The following CELA2B variants were observed in gnomAD, a reference collection of about 807,000 sequenced individuals.
CELA2B encodes chymotrypsin-like elastase family member 2B.
In CELA2B, 27 loss-of-function variants were observed where a neutral mutation model predicts 36.5. The observed-to-expected ratio is 0.74, with a 90% CI of 0.55 to 1.02. CELA2B has a LOEUF of 1.02. Among genes scored for constraint, CELA2B ranks in the 50% least tolerant of loss-of-function variants. The probability of loss-of-function intolerance (pLI) is 0.00; values close to 1 mark genes in which losing one functional copy is unlikely to be tolerated. For synonymous variants in CELA2B, 143 were observed against 148.5 expected (o/e 0.96, Z 0.27); for missense variants, 340 against 347.8 (o/e 0.98, Z 0.18).
Position 15,483,393 on chromosome 1 carries a change from G to C in CELA2B, c.486G>C (p.Arg162Ser). 6.2e-7 allele frequency: 1 copy of C among 1,613,860 alleles called. No homozygotes were observed. Among genetic ancestry groups the C allele is most frequent in the African/African-American group, 1.3e-5 (1 of 75,074 alleles). Residue 162 changes from arginine (R) to serine (S), a missense_variant, in exon 5 of 8, where the codon AGG becomes AGC. Coordinates refer to ENST00000375910, the MANE Select transcript of CELA2B (RefSeq NM_015849.3). ...CCTGCTACGTCACGGGCTGGGGAAG[G>C]CTGCAGAGTAAGTGGGAGCCAGGAG... is the stretch of plus-strand genomic sequence containing the variant. The part of the protein sequence containing the change: ...NYPCYVTGWG[R>S]LQTNGALPDD...
intron 2 of CELA2B, among the ~76,000 whole-genome samples, chr1:15,480,566 C>G (rs973573485): frequency 2.6e-5 from 4 of 152,096 alleles, no homozygotes; most frequent in East Asian, 1.9e-4. Context: ...CTTCTTCACA[C>G]GGTGGCAGCA....
At chr1:15,476,637 C>G (rs1708675117) in intron 2 of CELA2B, 92 bp downstream of exon 2, 1 of 1,232,958 alleles carries the variant, frequency 8.1e-7, no homozygotes, top group East Asian at 2.3e-5. Context: ...ATTGTGCTGG[C>G]AAAGTTAGGA....
intron 1 of CELA2B, 33 bp from the exon 2 acceptor site, chr1:15,476,424 T>C: frequency 6.2e-7 from 1 of 1,605,896 alleles, no homozygotes. Context: ...GGGTCGCTGC[T>C]TCCTGGACTC....
At chr1:15,476,609 C>T (rs1210771298) in intron 2 of CELA2B, 64 bp downstream of exon 2, 50 of 1,486,378 alleles carry the variant, frequency 3.4e-5, no homozygotes, top group Non-Finnish European at 4.7e-5. Context: ...CCCCCTTTGC[C>T]CTTCCACCAT....
At chr1:15,485,432 T>C (rs1221464621) in intron 5 of CELA2B, among the ~76,000 whole-genome samples, 1 of 152,044 alleles carries the variant, frequency 6.6e-6, no homozygotes. Flanking sequence ...AAAGGGAAAT[T>C]GTTATAAGGA....
intron 2 of CELA2B, among the ~76,000 whole-genome samples, chr1:15,477,841 A>G (rs1333933522): frequency 6.6e-6 from 1 of 152,238 alleles, no homozygotes. Context: ...CATAATTGAT[A>G]TAAACTGCTT....
intron 6 of CELA2B, 33 bp from the exon 7 acceptor site, chr1:15,487,252 A>G (rs1297126835): frequency 3.7e-6 from 6 of 1,604,734 alleles, no homozygotes; most frequent in Non-Finnish European, 5.1e-6. Context: ...CCTTCCTCCC[A>G]CTTCAACTCC....
chr1:15,490,154 G>A (rs748497324), intron 7 of CELA2B, among the ~76,000 whole-genome samples: 2 of 152,138 alleles, frequency 1.3e-5, no homozygotes, highest in East Asian at 1.9e-4. Flanking sequence ...GATTACAAGC[G>A]TGAGCCACTT....
chr1:15,476,490 A>C lies in CELA2B; in HGVS notation c.74A>C (p.Asp25Ala), dbSNP rs1220083424. The C allele has an allele frequency of 6.2e-7, 1 of 1,614,028 alleles. No homozygotes were observed. Among genetic ancestry groups the C allele is most frequent in the Admixed American group, 1.7e-5 (1 of 59,996 alleles). The change falls in exon 2 of 8, where the codon GAT becomes GCT. Residue 25 changes from aspartate to alanine, a missense_variant. Coordinates refer to ENST00000375910, the MANE Select transcript of CELA2B (RefSeq NM_015849.3). ...TGTGGGGTCTCCACTTACGCGCCTGATATGTCTAGGATGCTTGGAGGTGAA... is the reference window on the plus strand; with the variant it reads ...TGTGGGGTCTCCACTTACGCGCCTGCTATGTCTAGGATGCTTGGAGGTGAA... The part of the protein sequence containing the change: ...LSCGVSTYAP[D>A]MSRMLGGEEA...
intron 6 of CELA2B, among the ~76,000 whole-genome samples, chr1:15,487,068 A>G (rs1570812085): frequency 6.6e-6 from 1 of 152,244 alleles, no homozygotes; most frequent in East Asian, 1.9e-4. Context: ...TGTGAGGATT[A>G]ATGAGATGAG....
intron 7 of CELA2B, among the ~76,000 whole-genome samples, chr1:15,490,601 C>G (rs1157609393): frequency 3.3e-5 from 5 of 152,124 alleles, no homozygotes; most frequent in Non-Finnish European, 5.9e-5. Flanking sequence ...GGCGCGGTGG[C>G]TCACGCCTGT....
Position 15,482,218 on chromosome 1 carries a change from GCC to G in CELA2B, c.228-46_228-45del. 4.4e-6 allele frequency: 7 copies of G among 1,606,350 alleles called. No individual in the cohort carries two copies. The South Asian group carries it at 6.7e-5, about 15-fold the overall frequency. ...GGGTCTATCCCTAGCATTATTCAAA[GCC>G]AGGCCTCTGGAGGTGACCCTCTCCC... On this transcript the variant is annotated intron_variant, in intron 3 of 7. Coordinates refer to ENST00000375910, the MANE Select transcript of CELA2B (RefSeq NM_015849.3).
intron 6 of CELA2B, among the ~76,000 whole-genome samples, chr1:15,486,433 G>C (rs760831298): frequency 2.1e-4 from 32 of 152,090 alleles, no homozygotes; most frequent in Non-Finnish European, 4.3e-4. Context: ...GAGCTGAGAT[G>C]ATGCCACTGC....
chr1:15,487,558 C>T, intron 7 of CELA2B, 121 bp downstream of exon 7: 1 of 1,354,020 alleles, frequency 7.4e-7, no homozygotes, highest in Admixed American at 2.0e-5. Context: ...ATGGGAACCC[C>T]TTGGAGGAGG....
chr1:15,479,482 G>A (rs1331281215), intron 2 of CELA2B, among the ~76,000 whole-genome samples: 1 of 152,166 alleles, frequency 6.6e-6, no homozygotes, highest in African/African-American at 2.4e-5. Context: ...GGAGGCAGAG[G>A]TTGCAATGAG....
At chr1:15,490,823 A>T (rs4646110) in intron 7 of CELA2B, 42,713 of 160,894 alleles carry the variant, frequency 0.27, 6,511 homozygotes, top group African/African-American at 0.41. Flanking sequence ...TGAGCCTAGA[A>T]TATGCCACTG....
At chr1:15,480,023 G>A (rs955313178) in intron 2 of CELA2B, among the ~76,000 whole-genome samples, 6 of 152,126 alleles carry the variant, frequency 3.9e-5, no homozygotes, top group Non-Finnish European at 1.5e-5. Flanking sequence ...GAGAGTCTGA[G>A]CAGAGAAGAG....
rs779561397 is a variant in CELA2B at position 15,476,474 on chromosome 1, T to C, written c.58T>C (p.Ser20Pro). ...LVAGALSCGV[S>P]TYAPDMSRML... is the part of the protein sequence containing the mutation. ...TTTCACAGCCCTCAGTTGTGGGGTC[T>C]CCACTTACGCGCCTGATATGTCTAG... Residue 20 changes from serine (S) to proline (P), a missense_variant, in exon 2 of 8, where the codon TCC (serine) becomes CCC (proline). Physicochemically the swap from Ser to Pro is moderately conservative, Grantham distance 74. Coordinates refer to ENST00000375910, the MANE Select transcript of CELA2B (RefSeq NM_015849.3). 4.3e-6 allele frequency: 7 copies of C among 1,614,034 alleles called. No individual in the cohort carries two copies. The highest frequency in any genetic ancestry group is 2.2e-5 in the East Asian group (1 of 44,898).
chr1:15,481,665 A>G (rs1708743104), intron 3 of CELA2B: 2 of 472,226 alleles, frequency 4.2e-6, no homozygotes, highest in Non-Finnish European at 8.8e-6. Context: ...AAGGCCCACA[A>G]GGTTCTGCAA....
Sources: gnomAD v4.1 joint callset for allele counts (sites outside exome capture counted in the v4.1 genomes callset) on GRCh38, gnomAD v4.1.1 for gene constraint, MANE v1.5 for transcripts, NCBI Gene and HGNC (gene_info 2026-07-23, HGNC 2026-07-21) for gene names.